WDFY2: variants seen among roughly 807,000 people sequenced by gnomAD.
WDFY2 encodes the protein WD repeat and FYVE domain containing 2.
WDFY2 carries 36 observed loss-of-function variants against 56.4 expected under a neutral mutation model. The observed-to-expected ratio is 0.64, with a 90% CI of 0.49 to 0.84. The LOEUF is 0.84. WDFY2 is among the 40% of genes least tolerant of loss of function. The pLI is 0.00. For missense variants in WDFY2, 444 were observed against 512.2 expected, an observed-to-expected ratio of 0.87 and a Z score of 1.29; for synonymous variants, 176 against 183.7, an observed-to-expected ratio of 0.96 and a Z score of 0.34.
rs560420614 is a variant in WDFY2 at position 51,761,198 on chromosome 13, A to G, written c.*1429A>G. ...CAGAATGGTACCTACAGTGCAGGCT[A>G]TGTTTCTGTGGGAATGGAAAAGAGG... On this transcript the variant is annotated 3_prime_UTR_variant, in exon 12 of 12. Transcript: ENST00000298125. 4 of 152,292 alleles carry G rather than the reference A, an allele frequency of 2.6e-5. No individual in the cohort carries two copies. Among genetic ancestry groups the G allele is most frequent in the South Asian group, 2.1e-4 (1 of 4,826 alleles). 9.4% of individuals were successfully genotyped at this position (152,292 alleles called of 1,614,324 possible).
At chr13:51,755,497 T>C (rs1158194305) in intron 9 of WDFY2, 38 bp downstream of exon 9, 23 of 1,582,336 alleles carry the variant, frequency 1.5e-5, no homozygotes, top group Non-Finnish European at 1.8e-5. Flanking sequence ...TGTAATTATA[T>C]GGAAATAGCT....
chr13:51,751,382 T>G lies in WDFY2; in HGVS notation c.798T>G (p.Ile266Met). 6.2e-7 allele frequency: 1 copy of G among 1,614,136 alleles called. No homozygotes were observed. Among genetic ancestry groups the G allele is most frequent in the Non-Finnish European group, 8.5e-7 (1 of 1,179,964 alleles). ...TCTCCTGTGGCGGTGATGGTGGGAT[T>G]GTCGTCTGGAACATGGACGTGGAGA... ...QLISCGGDGG[I>M]VVWNMDVERQ... The change falls in exon 8 of 12, where the codon ATT becomes ATG. Residue 266 changes from isoleucine to methionine, a missense_variant. Coordinates refer to ENST00000298125, the MANE Select transcript of WDFY2 (RefSeq NM_052950.4).
In WDFY2 at chr13:51,675,215, C is replaced by T; in HGVS notation, c.251C>T (p.Ser84Phe). 1 of 1,613,824 alleles carries T rather than the reference C, an allele frequency of 6.2e-7. No homozygotes were observed. Among genetic ancestry groups the T allele is most frequent in the Non-Finnish European group, 8.5e-7 (1 of 1,179,828 alleles). The change falls in exon 3 of 12, where the codon TCC becomes TTC. Residue 84 changes from serine (S) to phenylalanine (F), a missense_variant. Ser to Phe is a radical substitution (Grantham distance 155). Coordinates refer to ENST00000298125, the MANE Select transcript of WDFY2 (RefSeq NM_052950.4). ...MSFNPETRRL[S>F]IGLDNGTISE... ...TTTAACCCGGAAACAAGAAGACTGT[C>T]CATAGGTCTAGACAATGGTACAATC...
In WDFY2 at chr13:51,764,804, C is replaced by CT. The variant is rs1349789009; in HGVS notation, c.*5036dup. Reference sequence around the variant, plus strand: ...GGAGTCTGAGAGGAGGAGGTGGAGACTATCAGTGCACGGCCCGCAACCAGG... The same window carrying CT: ...GGAGTCTGAGAGGAGGAGGTGGAGACTTATCAGTGCACGGCCCGCAACCAGG... On this transcript the variant is annotated 3_prime_UTR_variant, in exon 12 of 12. Coordinates refer to ENST00000298125, the MANE Select transcript of WDFY2 (RefSeq NM_052950.4). 6.6e-6 allele frequency: 1 copy of CT among 152,312 alleles called. No homozygotes were observed. The highest frequency in any genetic ancestry group is 1.5e-5 in the Non-Finnish European group (1 of 68,116). The allele number at this position is 152,312 out of a possible 1,614,324, so 9.4% of individuals were successfully genotyped here.
At chr13:51,690,664 A>G (rs1224332811) in intron 3 of WDFY2, among the ~76,000 whole-genome samples, 1 of 152,054 alleles carries the variant, frequency 6.6e-6, no homozygotes, top group African/African-American at 2.4e-5. Context: ...ATACGTGTGC[A>G]TGTGTCTTTA....
chr13:51,627,708 C>G (rs1292535471), intron 1 of WDFY2, among the ~76,000 whole-genome samples: 1 of 152,046 alleles, frequency 6.6e-6, no homozygotes, highest in Non-Finnish European at 1.5e-5. Flanking sequence ...AATCCCATGT[C>G]CAGGAAGAAT....
chr13:51,676,117 T>A (rs1312342889), intron 3 of WDFY2, among the ~76,000 whole-genome samples: 2 of 152,144 alleles, frequency 1.3e-5, no homozygotes, highest in Non-Finnish European at 2.9e-5. Flanking sequence ...CACTCCATCC[T>A]CCCACTACCA....
intron 1 of WDFY2, among the ~76,000 whole-genome samples, chr13:51,632,275 C>G (rs1954966983): frequency 1.3e-5 from 2 of 151,706 alleles, no homozygotes; most frequent in South Asian, 4.2e-4. Flanking sequence ...GAGCATGGTT[C>G]TTTTGTGATT....
chr13:51,686,287 G>C (rs563468943), intron 3 of WDFY2, among the ~76,000 whole-genome samples: 18 of 152,208 alleles, frequency 1.2e-4, no homozygotes, highest in Admixed American at 1.2e-3. Flanking sequence ...GTGCCTCATG[G>C]GGTTGCTGTG....
chr13:51,627,330 G>A (rs1340491481), intron 1 of WDFY2, among the ~76,000 whole-genome samples: 1 of 152,068 alleles, frequency 6.6e-6, no homozygotes, highest in Admixed American at 6.5e-5. Context: ...TGTTTGTTTT[G>A]CAGCTTTTTC....
intron 1 of WDFY2, among the ~76,000 whole-genome samples, chr13:51,655,592 G>A (rs1955495256): frequency 6.6e-6 from 1 of 152,062 alleles, no homozygotes; most frequent in African/African-American, 2.4e-5. Flanking sequence ...TGGCTTACTA[G>A]TATTTTGTTG....
intron 1 of WDFY2, among the ~76,000 whole-genome samples, chr13:51,640,909 TG>T (rs1298779123): frequency 6.6e-6 from 1 of 152,202 alleles, no homozygotes. Flanking sequence ...ATTATATCTT[TG>T]CTCACTGGGA....
At chr13:51,644,295 C>G (rs553830770) in intron 1 of WDFY2, among the ~76,000 whole-genome samples, 1 of 152,302 alleles carries the variant, frequency 6.6e-6, no homozygotes, top group East Asian at 1.9e-4. Flanking sequence ...GACCTTGTGG[C>G]TCATCTTTTC....
chr13:51,603,725 T>C (rs1478221562), intron 1 of WDFY2, among the ~76,000 whole-genome samples: 1 of 152,220 alleles, frequency 6.6e-6, no homozygotes, highest in Non-Finnish European at 1.5e-5. Flanking sequence ...AGGGCCACTT[T>C]CCTAGTTTAC....
At chr13:51,641,098 A>C (rs1955146250) in intron 1 of WDFY2, among the ~76,000 whole-genome samples, 1 of 152,034 alleles carries the variant, frequency 6.6e-6, no homozygotes, top group South Asian at 2.1e-4. Context: ...TTAGAGACGG[A>C]GTCTCACTCT....
intron 3 of WDFY2, among the ~76,000 whole-genome samples, chr13:51,687,358 A>G (rs892237155): frequency 6.6e-6 from 1 of 152,018 alleles, no homozygotes; most frequent in African/African-American, 2.4e-5. Flanking sequence ...TTAGAAGGTC[A>G]TAGAAGTGAT....
chr13:51,701,153 T>C (rs1272557510), intron 3 of WDFY2, among the ~76,000 whole-genome samples: 1 of 152,344 alleles, frequency 6.6e-6, no homozygotes, highest in South Asian at 2.1e-4. Context: ...CTTTGAGAAA[T>C]GGTATCACAA....
intron 1 of WDFY2, among the ~76,000 whole-genome samples, chr13:51,652,017 C>G (rs566730420): frequency 2.8e-4 from 43 of 152,250 alleles, no homozygotes; most frequent in Admixed American, 7.9e-4. Context: ...TCAAGTCTCC[C>G]ATTATTATTG....
intron 6 of WDFY2, among the ~76,000 whole-genome samples, chr13:51,733,150 C>T (rs1952760922): frequency 6.6e-6 from 1 of 152,206 alleles, no homozygotes; most frequent in African/African-American, 2.4e-5. Context: ...ATTCTCCTGC[C>T]TCAGCCTCCT....
Sources: allele counts gnomAD v4.1 joint callset (sites outside exome capture counted in the v4.1 genomes callset), GRCh38; gene constraint gnomAD v4.1.1; transcripts MANE v1.5; gene names NCBI Gene and HGNC (gene_info 2026-07-23, HGNC 2026-07-21).